The following HDAC2 variants were observed in gnomAD, a reference collection of about 807,000 sequenced individuals.
The protein encoded by HDAC2 is histone deacetylase 2.
A neutral mutation model predicts 68.5 loss-of-function variants in HDAC2; 5 were observed. The observed-to-expected ratio is 0.07, with a 90% CI of 0.04 to 0.15. HDAC2 has a LOEUF of 0.15. Ranked by LOEUF, HDAC2 falls within the 10% of genes least tolerant of loss-of-function variation. The pLI, the probability that HDAC2 is intolerant of heterozygous loss-of-function variation, is 1.00. For missense variants in HDAC2, 291 were observed against 600.8 expected (o/e 0.48, Z 5.39); for synonymous variants, 182 against 191.3 (o/e 0.95, Z 0.40).
At position 113,944,329 on chromosome 6, in the gene HDAC2, A is replaced by G; in HGVS notation, c.1173T>C (p.His391=). Reference sequence around the variant, plus strand: ...CTCCATCTTCATCTCCACTGTCTTCATGAACAGCATCTTCTGGAATAGCTT... The same window carrying G: ...CTCCATCTTCATCTCCACTGTCTTCGTGAACAGCATCTTCTGGAATAGCTT... ...QMQAIPEDAV[H]EDSGDEDGED... is the part of the protein sequence containing the mutation. Residue 391 remains histidine (H), a synonymous_variant, in exon 11 of 14, where the codon CAT becomes CAC. Transcript: ENST00000519065. 6.2e-7 allele frequency: 1 copy of G among 1,613,054 alleles called. No homozygotes were observed. The highest frequency in any genetic ancestry group is 8.5e-7 in the Non-Finnish European group (1 of 1,179,026).
intron 1 of HDAC2, chr6:113,970,443 T>G: frequency 2.9e-6 from 3 of 1,035,640 alleles, no homozygotes; most frequent in Non-Finnish European, 3.5e-6. Context: ...GGGGGACGGG[T>G]CGAGGGGGTA....
chr6:113,965,940 A>G (rs551860154), intron 1 of HDAC2, among the ~76,000 whole-genome samples: 1 of 152,306 alleles, frequency 6.6e-6, no homozygotes, highest in African/African-American at 2.4e-5. Context: ...CTCCAATCCC[A>G]AGTGTTTTCC....
chr6:113,948,157 A>T (rs1412046618), intron 8 of HDAC2: 1 of 152,194 alleles, frequency 6.6e-6, no homozygotes, highest in Non-Finnish European at 1.5e-5. Context: ...ACATGATCAA[A>T]ATTTAGTATG....
chr6:113,945,438 CA>C lies in HDAC2; in HGVS notation c.1014del (p.Phe338LeufsTer14). Reference protein sequence around the residue: ...ELPYNDYFEYFGPDFKLHISP... With the variant: ...ELPYNDYFEYXGPDFKLHISP... ...CTAATATGCAGTTTGAAGTCTGGTC[CA>C]AAATACTCAAAGTAATCATTATATG... On this transcript the variant is annotated frameshift_variant, in exon 10 of 14. Transcript: ENST00000519065. LOFTEE classifies it high-confidence loss of function. 6.5e-7 allele frequency: 1 copy of C among 1,544,992 alleles called. No homozygotes were observed. The highest frequency in any genetic ancestry group is 8.9e-7 in the Non-Finnish European group (1 of 1,117,826).
At chr6:113,943,531 T>C in intron 11 of HDAC2, 25 bp from the exon 12 acceptor site, 1 of 1,565,862 alleles carries the variant, frequency 6.4e-7, no homozygotes, top group Non-Finnish European at 8.6e-7. Context: ...TTAATAAATT[T>C]TGACAAAAAC....
At chr6:113,970,558 T>C in intron 1 of HDAC2, 1 of 1,220,196 alleles carries the variant, frequency 8.2e-7, no homozygotes, top group Non-Finnish European at 1.0e-6. Context: ...CAAGGCGGGG[T>C]AGGCCGGCGC....
intron 1 of HDAC2, among the ~76,000 whole-genome samples, chr6:113,965,305 C>T (rs2114619976): frequency 6.6e-6 from 1 of 152,116 alleles, no homozygotes; most frequent in South Asian, 2.1e-4. Context: ...GGCCCATTCT[C>T]TTCCTTCAGG....
chr6:113,947,128 A>G (rs1250310139), intron 8 of HDAC2: 1 of 152,166 alleles, frequency 6.6e-6, no homozygotes, highest in Non-Finnish European at 1.5e-5. Context: ...TTCTTTTAAC[A>G]GATAAAAACC....
chr6:113,951,716 C>G (rs965773859), intron 6 of HDAC2, among the ~76,000 whole-genome samples: 2 of 152,122 alleles, frequency 1.3e-5, no homozygotes, highest in Non-Finnish European at 2.9e-5. Flanking sequence ...ATCCTCCCAC[C>G]TCGGCCTCCC....
chr6:113,968,889 T>C (rs751948142), intron 1 of HDAC2, among the ~76,000 whole-genome samples: 19 of 152,206 alleles, frequency 1.2e-4, no homozygotes, highest in Non-Finnish European at 1.8e-4. Context: ...TAGGGTTCCA[T>C]TGTGGTGACA....
chr6:113,941,068 C>G lies in HDAC2; in HGVS notation c.1457G>C (p.Ser486Thr). 6.2e-7 allele frequency: 1 copy of G among 1,608,522 alleles called. No homozygotes were observed. Among genetic ancestry groups the G allele is most frequent in the Non-Finnish European group, 8.5e-7 (1 of 1,177,602 alleles). The part of the protein sequence containing the change: ...DTKGTKSEQL[S>T]NP The stretch of plus-strand genomic sequence containing the variant: ...GTGAGACTGTCAAATTCAGGGGTTG[C>G]TGAGCTGTTCTGATTTGGTTCTGTT... The change falls in exon 14 of 14, where the codon AGC becomes ACC. Residue 486 changes from serine (S) to threonine (T), a missense_variant. Coordinates refer to ENST00000519065, the MANE Select transcript of HDAC2 (RefSeq NM_001527.4).
chr6:113,969,397 C>A (rs1200416983), intron 1 of HDAC2, among the ~76,000 whole-genome samples: 2 of 152,176 alleles, frequency 1.3e-5, no homozygotes, highest in Non-Finnish European at 2.9e-5. Context: ...TAAAAAGAGA[C>A]AGTACGGTCA....
rs564423762 is a variant in HDAC2 at position 113,956,171 on chromosome 6, T to G, written c.359-20A>C. On this transcript the variant is annotated intron_variant, in intron 4 of 13. Transcript: ENST00000519065. Reference sequence around the variant, plus strand: ...CTCCAGCTAAGAAGTAGAAACAAGATAGACCTTTTAAACATTTATCATAAA... The same window carrying G: ...CTCCAGCTAAGAAGTAGAAACAAGAGAGACCTTTTAAACATTTATCATAAA... 1.9e-6 allele frequency: 3 copies of G among 1,579,660 alleles called. No individual in the cohort carries two copies. The highest frequency in any genetic ancestry group is 2.6e-6 in the Non-Finnish European group (3 of 1,166,420).
chr6:113,960,342 A>C (rs903215940), intron 1 of HDAC2, among the ~76,000 whole-genome samples: 2 of 152,050 alleles, frequency 1.3e-5, no homozygotes, highest in Non-Finnish European at 2.9e-5. Flanking sequence ...ATTCTCTGGC[A>C]AATTCACATG....
chr6:113,940,875 T>A lies in HDAC2; in HGVS notation c.*183A>T. The A allele has an allele frequency of 2.1e-6, 1 of 479,622 alleles. No homozygotes were observed. Among genetic ancestry groups the A allele is most frequent in the Non-Finnish European group, 3.7e-6 (1 of 273,056 alleles). 29.7% of individuals were successfully genotyped at this position (479,622 alleles called of 1,614,324 possible). A position where few individuals can be genotyped will look rare whatever the true frequency, so the allele number is the denominator to read the frequency against. Reference sequence around the variant, plus strand: ...CATGGTGGAGAAAAGAAATTTTGCTTCATAATTAGAAAAACTCACAATAAA... The same window carrying A: ...CATGGTGGAGAAAAGAAATTTTGCTACATAATTAGAAAAACTCACAATAAA... On this transcript the variant is annotated 3_prime_UTR_variant, in exon 14 of 14. Transcript: ENST00000519065.
At chr6:113,956,269 T>C in intron 4 of HDAC2, 118 bp from the exon 5 acceptor site, 1 of 851,472 alleles carries the variant, frequency 1.2e-6, no homozygotes, top group Non-Finnish European at 1.8e-6. Context: ...TCATGAAAGT[T>C]AACAGAAATC....
At position 113,943,239 on chromosome 6, in the gene HDAC2, A is replaced by T. The variant is rs1287790283; in HGVS notation, c.1378+112T>A. 8 of 743,186 alleles carry T rather than the reference A, an allele frequency of 1.1e-5. No individual in the cohort carries two copies. The Admixed American group carries it at 2.1e-4, about 20-fold the overall frequency. 46.0% of individuals were successfully genotyped at this position (743,186 alleles called of 1,614,324 possible). The stretch of plus-strand genomic sequence containing the variant: ...AAGAAAAAAGAGTCACCTACCTAGC[A>T]TACTTCCTCCTGATACCTGTGCAAC... On this transcript the variant is annotated intron_variant, in intron 12 of 13. Coordinates refer to ENST00000519065, the MANE Select transcript of HDAC2 (RefSeq NM_001527.4).
At position 113,940,016 on chromosome 6, in the gene HDAC2, T is replaced by C. The variant is rs1271482973; in HGVS notation, c.*1042A>G. On this transcript the variant is annotated 3_prime_UTR_variant, in exon 14 of 14. Coordinates refer to ENST00000519065, the MANE Select transcript of HDAC2 (RefSeq NM_001527.4). ...GGGAGATTTCACTGATTTTGGCAAG[T>C]TCCTAAAATGTTTTGTCTTCTTTGC... 1 of 152,258 alleles carries C rather than the reference T, an allele frequency of 6.6e-6. No homozygotes were observed. The highest frequency in any genetic ancestry group is 1.5e-5 in the Non-Finnish European group (1 of 68,038). The allele number at this position is 152,258 out of a possible 1,614,324, so 9.4% of individuals were successfully genotyped here.
chr6:113,963,039 A>C lies in HDAC2; in HGVS notation c.53-3021T>G, dbSNP rs565621652. On this transcript the variant is annotated intron_variant, in intron 1 of 13. Transcript: ENST00000519065. ...TAACCATCTCCAACTTTTTCCCACT[A>C]ATTCTGTATCTCACAATTCTCTAGA... Among the ~76,000 whole-genome samples, 7 of 151,586 alleles carry C rather than the reference A, an allele frequency of 4.6e-5. No individual in the cohort carries two copies. The South Asian group carries it at 1.5e-3, about 32-fold the overall frequency.
Sources: gnomAD v4.1 joint callset for allele counts (sites outside exome capture counted in the v4.1 genomes callset) on GRCh38, gnomAD v4.1.1 for gene constraint, MANE v1.5 for transcripts, NCBI Gene and HGNC (gene_info 2026-07-23, HGNC 2026-07-21) for gene names.